The following STAU2 variants were observed in gnomAD, a reference collection of about 807,000 sequenced individuals.
STAU2 encodes the protein double-stranded RNA-binding protein Staufen homolog 2.
In STAU2, 20 loss-of-function variants were observed where a neutral mutation model predicts 65.9. The observed-to-expected ratio is 0.30, with a 90% CI of 0.21 to 0.44. The LOEUF is 0.44. STAU2 is among the 20% of genes least tolerant of loss of function. The probability of loss-of-function intolerance (pLI) is 1.00; values close to 1 mark genes in which losing one functional copy is unlikely to be tolerated. For missense variants in STAU2, 558 were observed against 683.9 expected (o/e 0.82, Z 2.05); for synonymous variants, 232 against 233.9 (o/e 0.99, Z 0.07).
chr8:73,429,629 A>T (rs1270664889), intron 13 of STAU2, among the ~76,000 whole-genome samples: 1 of 150,864 alleles, frequency 6.6e-6, no homozygotes, highest in African/African-American at 2.4e-5. Context: ...GTAGGGACAA[A>T]GTCCTGCTAT....
At chr8:73,635,113 C>T (rs1008952357) in intron 6 of STAU2, among the ~76,000 whole-genome samples, 4 of 152,156 alleles carry the variant, frequency 2.6e-5, no homozygotes, top group Non-Finnish European at 5.9e-5. Context: ...TCCATGAATA[C>T]AGGACTAAGA....
At chr8:73,501,631 G>A (rs1317594255) in intron 13 of STAU2, among the ~76,000 whole-genome samples, 1 of 151,910 alleles carries the variant, frequency 6.6e-6, no homozygotes, top group Non-Finnish European at 1.5e-5. Context: ...ATGTTAATAT[G>A]TTTTCCTGGG....
At chr8:73,627,037 T>C (rs1449114875) in intron 6 of STAU2, among the ~76,000 whole-genome samples, 1 of 151,788 alleles carries the variant, frequency 6.6e-6, no homozygotes, top group Non-Finnish European at 1.5e-5. Context: ...GCTGGAAGTG[T>C]TCCTACTTTG....
intron 11 of STAU2, among the ~76,000 whole-genome samples, chr8:73,587,179 C>T (rs1345494573): frequency 6.6e-6 from 1 of 152,064 alleles, no homozygotes; most frequent in East Asian, 1.9e-4. Flanking sequence ...GGTGCGATGC[C>T]TTCCCAACTC....
intron 13 of STAU2, among the ~76,000 whole-genome samples, chr8:73,496,068 G>A (rs527779587): frequency 4.4e-4 from 67 of 151,496 alleles, no homozygotes; most frequent in Non-Finnish European, 7.8e-4. Flanking sequence ...TCAAAAATGA[G>A]ATGGGTTAAT....
chr8:73,452,451 G>T (rs1329877785), intron 13 of STAU2, among the ~76,000 whole-genome samples: 1 of 152,166 alleles, frequency 6.6e-6, no homozygotes, highest in East Asian at 1.9e-4. Flanking sequence ...TCCCACGGAA[G>T]GCCTGATGAT....
At position 73,421,201 on chromosome 8, in the gene STAU2, C is replaced by A; in HGVS notation, c.*171G>T. On this transcript the variant is annotated 3_prime_UTR_variant, in exon 15 of 15. Coordinates refer to ENST00000524300, the MANE Select transcript of STAU2 (RefSeq NM_001164380.2). ...GGGAAATGCTCAAAGTTTTATTTTT[C>A]CCCAGTTGAATAAACAGTACCATGT... 1 of 566,464 alleles carries A rather than the reference C, an allele frequency of 1.8e-6. No homozygotes were observed. The highest frequency in any genetic ancestry group is 3.0e-6 in the Non-Finnish European group (1 of 333,780). 35.1% of individuals were successfully genotyped at this position (566,464 alleles called of 1,614,324 possible).
intron 13 of STAU2, among the ~76,000 whole-genome samples, chr8:73,426,255 A>G (rs1229882526): frequency 6.6e-6 from 1 of 152,132 alleles, no homozygotes; most frequent in Non-Finnish European, 1.5e-5. Flanking sequence ...CATAGTGATC[A>G]GATCAAGGTA....
At chr8:73,501,366 T>C (rs911234026) in intron 13 of STAU2, among the ~76,000 whole-genome samples, 1 of 151,980 alleles carries the variant, frequency 6.6e-6, no homozygotes, top group African/African-American at 2.4e-5. Context: ...CAGATATTAA[T>C]AGCAAATTAT....
intron 6 of STAU2, among the ~76,000 whole-genome samples, chr8:73,634,022 G>A (rs1341819195): frequency 6.6e-6 from 1 of 151,846 alleles, no homozygotes; most frequent in Non-Finnish European, 1.5e-5. Flanking sequence ...AACTAGCACA[G>A]GTTATACACT....
chr8:73,435,684 A>T (rs1214413409), intron 13 of STAU2, among the ~76,000 whole-genome samples: 1 of 151,952 alleles, frequency 6.6e-6, no homozygotes, highest in Non-Finnish European at 1.5e-5. Flanking sequence ...GATAATAGTT[A>T]CTGTCTTTTT....
chr8:73,697,656 AAAC>A (rs1228393201), intron 4 of STAU2, among the ~76,000 whole-genome samples: 3 of 152,364 alleles, frequency 2.0e-5, no homozygotes, highest in Non-Finnish European at 4.4e-5. Flanking sequence ...ACATAAAGAG[AAAC>A]AACAAAAAGT....
chr8:73,491,934 C>T (rs1444825950), intron 13 of STAU2, among the ~76,000 whole-genome samples: 4 of 151,638 alleles, frequency 2.6e-5, no homozygotes, highest in Non-Finnish European at 4.4e-5. Flanking sequence ...GAGAAGAAAC[C>T]ATTAAACTGA....
rs762765422 is a variant in STAU2 at position 73,496,948 on chromosome 8, T to C, written c.1530+55064A>G. On this transcript the variant is annotated intron_variant, in intron 13 of 14. Coordinates refer to ENST00000524300, the MANE Select transcript of STAU2 (RefSeq NM_001164380.2). ...CAGTTTTATAATTTTTATTACTTTG[T>C]TGTTGAAAATAATATATTAATAAAA... 7.5e-4 allele frequency among the ~76,000 whole-genome samples: 114 copies of C among 151,754 alleles called. 1 individual carries two copies. The highest frequency in any genetic ancestry group is 1.7e-3 in the Admixed American group (26 of 15,172).
At chr8:73,535,326 C>T (rs978043907) in intron 13 of STAU2, among the ~76,000 whole-genome samples, 5 of 152,126 alleles carry the variant, frequency 3.3e-5, no homozygotes, top group African/African-American at 9.7e-5. Flanking sequence ...CCCACCACCA[C>T]GCCTGGCTAA....
intron 5 of STAU2, among the ~76,000 whole-genome samples, chr8:73,679,977 CA>C (rs1410624340): frequency 1.2e-4 from 12 of 96,972 alleles, no homozygotes; most frequent in Admixed American, 1.2e-3. Context: ...CTAGGGAAGC[CA>C]TTTTTTTTTT....
At chr8:73,547,608 AG>A (rs1189181004) in intron 13 of STAU2, among the ~76,000 whole-genome samples, 1 of 152,216 alleles carries the variant, frequency 6.6e-6, no homozygotes, top group Non-Finnish European at 1.5e-5. Flanking sequence ...AGTCTTTCCA[AG>A]GTCCTTGGAA....
chr8:73,715,082 C>CA (rs1157510263), intron 3 of STAU2, among the ~76,000 whole-genome samples: 26,184 of 83,444 alleles, frequency 0.31, 2,852 homozygotes, highest in East Asian at 0.46. Flanking sequence ...GACTCCGTCT[C>CA]AAAAAAAAAA....
At position 73,744,709 on chromosome 8, in the gene STAU2, C is replaced by A. The variant is rs555578757; in HGVS notation, c.-197+2074G>T. On this transcript the variant is annotated intron_variant, in intron 1 of 14. Transcript: ENST00000524300. ...TAAAATTTGCATGGTTTTCCAAGCT[C>A]AAGTATTTAGGAGTTAAGGATCACA... 3.9e-5 allele frequency among the ~76,000 whole-genome samples: 6 copies of A among 152,194 alleles called. No individual in the cohort carries two copies. In the East Asian group the frequency reaches 1.2e-3, roughly 29 times the overall value.
Sources: allele counts gnomAD v4.1 joint callset (sites outside exome capture counted in the v4.1 genomes callset), GRCh38; gene constraint gnomAD v4.1.1; transcripts MANE v1.5; gene names NCBI Gene and HGNC (gene_info 2026-07-23, HGNC 2026-07-21).